FARP1: variants seen among roughly 807,000 people sequenced by gnomAD.
FARP1 encodes FERM, ARHGEF and pleckstrin domain-containing protein 1.
FARP1 carries 52 observed loss-of-function variants against 128.8 expected under a neutral mutation model. The observed-to-expected ratio is 0.40, with a 90% CI of 0.32 to 0.51. The LOEUF (loss-of-function observed/expected upper bound fraction) is 0.51. Among genes scored for constraint, FARP1 ranks in the 20% least tolerant of loss-of-function variants. The pLI, the probability that FARP1 is intolerant of heterozygous loss-of-function variation, is 0.45. For missense variants in FARP1, 1,333 were observed against 1,367.9 expected, an observed-to-expected ratio of 0.97 and a Z score of 0.40; for synonymous variants, 580 against 551.8, an observed-to-expected ratio of 1.05 and a Z score of -0.72.
chr13:98,309,600 C>T (rs1320130857), intron 2 of FARP1, among the ~76,000 whole-genome samples: 2 of 151,966 alleles, frequency 1.3e-5, no homozygotes, highest in Non-Finnish European at 2.9e-5. Flanking sequence ...GAGGCTGGTG[C>T]GAGATGGGAG....
chr13:98,219,869 A>G (rs372469222), intron 2 of FARP1, among the ~76,000 whole-genome samples: 26 of 151,560 alleles, frequency 1.7e-4, no homozygotes, highest in African/African-American at 5.8e-4. Context: ...GGGTCTCGCT[A>G]TGTTGCCCAG....
At chr13:98,447,641 G>C (rs1396116805) in intron 26 of FARP1, 1 of 153,484 alleles carries the variant, frequency 6.5e-6, no homozygotes, top group African/African-American at 2.4e-5. Context: ...AAATGGGACA[G>C]CATTGCACCC....
chr13:98,187,033 C>T (rs1182656307), intron 1 of FARP1, among the ~76,000 whole-genome samples: 29 of 140,068 alleles, frequency 2.1e-4, no homozygotes, highest in Admixed American at 1.8e-3. Flanking sequence ...TTAACGTGCA[C>T]ATACAGATAT....
chr13:98,261,812 C>T (rs144775113), intron 2 of FARP1, among the ~76,000 whole-genome samples: 250 of 152,178 alleles, frequency 1.6e-3, no homozygotes, highest in African/African-American at 5.7e-3. Flanking sequence ...GCTAATAGAG[C>T]GAGAACTCAC....
chr13:98,146,475 G>C (rs1262414241), intron 1 of FARP1, among the ~76,000 whole-genome samples: 1 of 152,192 alleles, frequency 6.6e-6, no homozygotes, highest in Admixed American at 6.5e-5. Flanking sequence ...TGATTTGCCC[G>C]CTTCGGCCTC....
chr13:98,327,169 T>C (rs1181128803), intron 2 of FARP1, among the ~76,000 whole-genome samples: 1 of 152,246 alleles, frequency 6.6e-6, no homozygotes, highest in African/African-American at 2.4e-5. Context: ...TTTTTAAAGA[T>C]GGCTCTTATT....
At chr13:98,279,889 C>T (rs1443276891) in intron 2 of FARP1, among the ~76,000 whole-genome samples, 3 of 152,016 alleles carry the variant, frequency 2.0e-5, no homozygotes, top group Non-Finnish European at 4.4e-5. Context: ...TACCAGGCGA[C>T]GCCCCCCCTC....
At chr13:98,307,082 G>C (rs1241776869) in intron 2 of FARP1, among the ~76,000 whole-genome samples, 1 of 152,200 alleles carries the variant, frequency 6.6e-6, no homozygotes, top group Non-Finnish European at 1.5e-5. Context: ...CAAATGACAG[G>C]ACAGAGATGA....
At position 98,438,852 on chromosome 13, in the gene FARP1, C is replaced by T; in HGVS notation, c.2323C>T (p.Gln775Ter). ...SLSKLSGKGL[Q>*]QRMFFLFNDV... is the part of the protein sequence containing the mutation. The stretch of plus-strand genomic sequence containing the variant: ...CAGCAAGCTCTCGGGGAAGGGGCTC[C>T]AGCAGCGCATGTTCTTCCTGGTGAG... The change falls in exon 20 of 27, where the codon CAG becomes TAG. Residue 775 changes from glutamine to a stop codon, truncating the protein, a stop_gained. Transcript: ENST00000319562. LOFTEE classifies it high-confidence loss of function. 6.2e-7 allele frequency: 1 copy of T among 1,613,638 alleles called. No individual in the cohort carries two copies. The highest frequency in any genetic ancestry group is 1.1e-5 in the South Asian group (1 of 91,062).
rs1391053935 is a variant in FARP1 at position 98,228,097 on chromosome 13, G to A, written c.171+14684G>A. 2.0e-5 allele frequency among the ~76,000 whole-genome samples: 3 copies of A among 152,224 alleles called. No homozygotes were observed. The East Asian group carries it at 5.8e-4, about 29-fold the overall frequency. ...AAATGGGCCGGGCGTGGTGGCTCATGCCTGTAATCCCAGCACTTTGGGAGG... is the reference window on the plus strand; with the variant it reads ...AAATGGGCCGGGCGTGGTGGCTCATACCTGTAATCCCAGCACTTTGGGAGG... On this transcript the variant is annotated intron_variant, in intron 2 of 26. Coordinates refer to ENST00000319562, the MANE Select transcript of FARP1 (RefSeq NM_005766.4).
chr13:98,437,561 G>A (rs920331664), intron 19 of FARP1, among the ~76,000 whole-genome samples: 1 of 152,102 alleles, frequency 6.6e-6, no homozygotes, highest in African/African-American at 2.4e-5. Context: ...TGTGCTGTGT[G>A]CCCAGGAGGG....
chr13:98,244,630 G>A (rs767979745), intron 2 of FARP1: 2 of 1,614,170 alleles, frequency 1.2e-6, no homozygotes, highest in Non-Finnish European at 8.5e-7. Context: ...CATCTTACAG[G>A]CTCTATTTCT....
At chr13:98,236,207 C>T (rs74110610) in intron 2 of FARP1, among the ~76,000 whole-genome samples, 3,751 of 152,242 alleles carry the variant, frequency 0.025, 143 homozygotes, top group African/African-American at 0.084. Context: ...CATCACATGG[C>T]ATTTTTTCTT....
At chr13:98,246,438 C>T (rs910214576) in intron 2 of FARP1, among the ~76,000 whole-genome samples, 1 of 151,848 alleles carries the variant, frequency 6.6e-6, no homozygotes, top group Non-Finnish European at 1.5e-5. Flanking sequence ...CAAAAATAAG[C>T]TTAGTCTTCT....
chr13:98,429,120 A>C (rs1942567750), intron 17 of FARP1, among the ~76,000 whole-genome samples: 1 of 152,194 alleles, frequency 6.6e-6, no homozygotes, highest in Non-Finnish European at 1.5e-5. Context: ...CTATTTCAAA[A>C]CAGAAAGTCA....
intron 16 of FARP1, among the ~76,000 whole-genome samples, chr13:98,418,799 G>A (rs1891483580): frequency 1.3e-5 from 2 of 152,180 alleles, no homozygotes; most frequent in Non-Finnish European, 2.9e-5. Flanking sequence ...CTCTTCTACT[G>A]TATTTTAATA....
intron 2 of FARP1, among the ~76,000 whole-genome samples, chr13:98,248,555 A>G (rs999372990): frequency 1.3e-5 from 2 of 152,318 alleles, no homozygotes; most frequent in African/African-American, 4.8e-5. Context: ...TCCTTACCAC[A>G]CTGGATAACA....
At chr13:98,206,134 CAG>C (rs1880247414) in intron 1 of FARP1, among the ~76,000 whole-genome samples, 2 of 151,708 alleles carry the variant, frequency 1.3e-5, no homozygotes, top group Non-Finnish European at 2.9e-5. Context: ...GGCCAGCAGA[CAG>C]AGCCGTGTTC....
At chr13:98,211,019 C>T (rs1482201432) in intron 1 of FARP1, among the ~76,000 whole-genome samples, 2 of 152,222 alleles carry the variant, frequency 1.3e-5, no homozygotes, top group African/African-American at 4.8e-5. Flanking sequence ...GCCCCAGCCC[C>T]TGCCCTCCCA....
Sources: allele counts gnomAD v4.1 joint callset (sites outside exome capture counted in the v4.1 genomes callset), GRCh38; gene constraint gnomAD v4.1.1; transcripts MANE v1.5; gene names NCBI Gene and HGNC (gene_info 2026-07-23, HGNC 2026-07-21).